The following LRP1B variants were observed in gnomAD, a reference collection of about 807,000 sequenced individuals.
LRP1B encodes the protein LDL receptor related protein 1B.
A neutral mutation model predicts 556.6 loss-of-function variants in LRP1B; 217 were observed. The ratio of observed to expected loss-of-function variants is 0.39; its 90% CI spans 0.35 to 0.44. The LOEUF (loss-of-function observed/expected upper bound fraction) is 0.44. Among genes scored for constraint, LRP1B ranks in the 20% least tolerant of loss-of-function variants. The probability of loss-of-function intolerance (pLI) is 1.00; values close to 1 mark genes in which losing one functional copy is unlikely to be tolerated. For missense variants in LRP1B, 5,053 were observed against 5,620.8 expected (o/e 0.90, Z 3.23); for synonymous variants, 2,047 against 1,865.8 (o/e 1.10, Z -2.50).
chr2:141,020,199 A>C, intron 11 of LRP1B, 97 bp from the exon 12 acceptor site: 1 of 682,226 alleles, frequency 1.5e-6, no homozygotes, highest in Non-Finnish European at 2.2e-6. Context: ...CTTTAGTTCA[A>C]AAAGGAAAGA....
At chr2:141,092,241 T>C (rs747319653) in intron 7 of LRP1B, among the ~76,000 whole-genome samples, 3 of 152,092 alleles carry the variant, frequency 2.0e-5, no homozygotes, top group Non-Finnish European at 4.4e-5. Flanking sequence ...AACCAAAGAG[T>C]TATAGGTAAT....
At chr2:141,907,079 T>C (rs1699778723) in intron 1 of LRP1B, among the ~76,000 whole-genome samples, 1 of 152,020 alleles carries the variant, frequency 6.6e-6, no homozygotes, top group African/African-American at 2.4e-5. Context: ...ATCAATACAA[T>C]CAAATGTATA....
intron 32 of LRP1B, among the ~76,000 whole-genome samples, chr2:140,793,367 A>T (rs1222942499): frequency 1.3e-5 from 2 of 152,000 alleles, no homozygotes; most frequent in Non-Finnish European, 2.9e-5. Flanking sequence ...ATCTGGTTTG[A>T]GCACACTATA....
chr2:141,469,585 T>C (rs1056350741), intron 3 of LRP1B, among the ~76,000 whole-genome samples: 1 of 152,138 alleles, frequency 6.6e-6, no homozygotes, highest in Non-Finnish European at 1.5e-5. Flanking sequence ...ACTGTATAAG[T>C]GAAAATAATG....
chr2:140,239,732 T>G, intron 87 of LRP1B, among the ~76,000 whole-genome samples, 200 bp from the exon 88 acceptor site: 1 of 150,948 alleles, frequency 6.6e-6, no homozygotes, highest in South Asian at 2.1e-4. Flanking sequence ...AAATGTTTCC[T>G]TAGATATCTT....
At chr2:140,654,867 T>C (rs1233543589) in intron 41 of LRP1B, among the ~76,000 whole-genome samples, 4 of 152,190 alleles carry the variant, frequency 2.6e-5, no homozygotes, top group Non-Finnish European at 5.9e-5. Flanking sequence ...TCTATGCTAG[T>C]TTGTCATGTG....
Position 141,875,207 on chromosome 2 carries a change from T to C in LRP1B, c.83-64806A>G, listed in dbSNP as rs141157706. ...TAATATATATAAGAGATGGGGCCTT[T>C]CCATGTTGCCCAGGCGGGTCTCAAA... On this transcript the variant is annotated intron_variant, in intron 1 of 90. Coordinates refer to ENST00000389484, the MANE Select transcript of LRP1B (RefSeq NM_018557.3). 8.9e-3 allele frequency among the ~76,000 whole-genome samples: 1,357 copies of C among 151,684 alleles called. 9 individuals are homozygous for C. Among genetic ancestry groups the C allele is most frequent in the Non-Finnish European group, 0.014 (983 of 67,810 alleles).
intron 1 of LRP1B, among the ~76,000 whole-genome samples, chr2:141,912,264 AC>A (rs957737255): frequency 2.0e-4 from 31 of 152,288 alleles, no homozygotes; most frequent in African/African-American, 7.2e-4. Flanking sequence ...GAAAGCTGGG[AC>A]TTTTTATGTA....
At chr2:141,754,183 C>T (rs1694239383) in intron 2 of LRP1B, among the ~76,000 whole-genome samples, 2 of 152,074 alleles carry the variant, frequency 1.3e-5, no homozygotes, top group Non-Finnish European at 2.9e-5. Context: ...CTGAGAATCT[C>T]ATTTCTTGCA....
At chr2:141,925,199 C>T (rs1700300517) in intron 1 of LRP1B, among the ~76,000 whole-genome samples, 1 of 152,136 alleles carries the variant, frequency 6.6e-6, no homozygotes, top group African/African-American at 2.4e-5. Flanking sequence ...CTACATTGTG[C>T]ACATACCTGA....
At chr2:140,492,370 T>TA (rs1688737928) in intron 57 of LRP1B, among the ~76,000 whole-genome samples, 1 of 152,192 alleles carries the variant, frequency 6.6e-6, no homozygotes, top group Non-Finnish European at 1.5e-5. Context: ...GAAATAACCT[T>TA]AATTTTGGCA....
At chr2:140,761,532 C>T (rs1037470866) in intron 35 of LRP1B, among the ~76,000 whole-genome samples, 3 of 152,144 alleles carry the variant, frequency 2.0e-5, no homozygotes, top group Admixed American at 2.0e-4. Context: ...TTTGTGAATG[C>T]CTTCTCCCAC....
chr2:142,065,839 T>C (rs1420784341), intron 1 of LRP1B, among the ~76,000 whole-genome samples: 1 of 151,358 alleles, frequency 6.6e-6, no homozygotes, highest in African/African-American at 2.4e-5. Context: ...AACTCAAAAG[T>C]CCCAGATCCC....
At chr2:141,869,337 T>A (rs1698509869) in intron 1 of LRP1B, among the ~76,000 whole-genome samples, 1 of 152,042 alleles carries the variant, frequency 6.6e-6, no homozygotes, top group Non-Finnish European at 1.5e-5. Context: ...GGTACAGTTT[T>A]ATACCTTCTA....
At chr2:141,544,393 C>T (rs145608719) in intron 2 of LRP1B, among the ~76,000 whole-genome samples, 5,114 of 37,156 alleles carry the variant, frequency 0.14, 266 homozygotes, top group Non-Finnish European at 0.17. Flanking sequence ...TCCTCCTCCT[C>T]CTCCTCCTCC....
At chr2:141,500,709 G>A (rs1480070272) in intron 2 of LRP1B, among the ~76,000 whole-genome samples, 1 of 152,108 alleles carries the variant, frequency 6.6e-6, no homozygotes, top group Non-Finnish European at 1.5e-5. Flanking sequence ...TCAAAAGAAA[G>A]CAGTTTTTTC....
intron 59 of LRP1B, among the ~76,000 whole-genome samples, chr2:140,483,615 CATATATAT>C (rs201503377): frequency 1.0e-4 from 9 of 88,354 alleles, no homozygotes; most frequent in African/African-American, 2.7e-4. Flanking sequence ...CACACACACA[CATATATAT>C]ATATATATAT....
intron 32 of LRP1B, among the ~76,000 whole-genome samples, chr2:140,788,408 C>T (rs997182565): frequency 3.3e-5 from 5 of 152,108 alleles, no homozygotes; most frequent in Non-Finnish European, 7.4e-5. Flanking sequence ...TAGGGACATA[C>T]ATTTTCATGG....
chr2:141,001,652 A>G (rs944260128), intron 15 of LRP1B, among the ~76,000 whole-genome samples: 6 of 152,028 alleles, frequency 3.9e-5, no homozygotes, highest in African/African-American at 7.2e-5. Flanking sequence ...GGCACAGACT[A>G]TAAGGTCTGT....
Sources: gnomAD v4.1 joint callset for allele counts (sites outside exome capture counted in the v4.1 genomes callset) on GRCh38, gnomAD v4.1.1 for gene constraint, MANE v1.5 for transcripts, NCBI Gene and HGNC (gene_info 2026-07-23, HGNC 2026-07-21) for gene names.